The following UST variants were observed in gnomAD, a reference collection of about 807,000 sequenced individuals.
UST encodes the protein uronyl 2-sulfotransferase.
UST carries 21 observed loss-of-function variants against 45.6 expected under a neutral mutation model. That is an observed-to-expected ratio of 0.46 (90% confidence interval 0.33 to 0.66). UST has a LOEUF of 0.66. Ranked by LOEUF, UST falls within the 30% of genes least tolerant of loss-of-function variation. The pLI, the probability that UST is intolerant of heterozygous loss-of-function variation, is 0.02. For missense variants in UST, 463 were observed against 512.4 expected (o/e 0.90, Z 0.93); for synonymous variants, 215 against 200.6 (o/e 1.07, Z -0.61).
At chr6:149,049,960 C>CAG (rs1776458269) in intron 7 of UST, among the ~76,000 whole-genome samples, 1 of 150,284 alleles carries the variant, frequency 6.7e-6, no homozygotes, top group Admixed American at 6.6e-5. Flanking sequence ...CACACACACA[C>CAG]ACACACGTGG....
chr6:149,034,042 T>C (rs9373585), intron 7 of UST, among the ~76,000 whole-genome samples: 3,857 of 152,218 alleles, frequency 0.025, 115 homozygotes, highest in East Asian at 0.076. Flanking sequence ...ATTCTCTTAT[T>C]CCATTACCTT....
At chr6:149,065,764 T>C (rs553594042) in intron 7 of UST, among the ~76,000 whole-genome samples, 1 of 152,358 alleles carries the variant, frequency 6.6e-6, no homozygotes, top group East Asian at 1.9e-4. Flanking sequence ...TCAATATTGG[T>C]TGAATCTGAG....
intron 7 of UST, among the ~76,000 whole-genome samples, chr6:149,047,077 A>C (rs1223302235): frequency 6.6e-6 from 1 of 152,230 alleles, no homozygotes; most frequent in Non-Finnish European, 1.5e-5. Context: ...GCAAATGTCG[A>C]GGTCACATGA....
At chr6:148,792,419 C>T (rs897970946) in intron 1 of UST, among the ~76,000 whole-genome samples, 2 of 152,138 alleles carry the variant, frequency 1.3e-5, no homozygotes, top group African/African-American at 2.4e-5. Context: ...ACCCCAAAGT[C>T]GCCTGGGCCT....
intron 1 of UST, among the ~76,000 whole-genome samples, chr6:148,783,854 C>T (rs1005848411): frequency 3.3e-5 from 5 of 152,088 alleles, no homozygotes; most frequent in Non-Finnish European, 5.9e-5. Flanking sequence ...GGGTTGGGGA[C>T]AGAAAAATGT....
chr6:148,977,091 A>G (rs1053276408), intron 5 of UST, among the ~76,000 whole-genome samples: 2 of 151,988 alleles, frequency 1.3e-5, no homozygotes, highest in Admixed American at 6.5e-5. Context: ...CTAACAAACT[A>G]TCCCATTTAT....
chr6:148,808,242 C>T (rs553146986), intron 1 of UST, among the ~76,000 whole-genome samples: 2 of 152,302 alleles, frequency 1.3e-5, no homozygotes, highest in South Asian at 2.1e-4. Context: ...TGGGGACATT[C>T]GCTTTTCTTA....
chr6:148,870,580 C>T (rs758310086), intron 1 of UST, among the ~76,000 whole-genome samples: 15 of 152,212 alleles, frequency 9.9e-5, no homozygotes, highest in African/African-American at 2.7e-4. Flanking sequence ...TGGCCAGGTG[C>T]GCCTGCCCTT....
chr6:149,006,964 A>G (rs982842213), intron 5 of UST, among the ~76,000 whole-genome samples: 6 of 152,164 alleles, frequency 3.9e-5, no homozygotes, highest in Non-Finnish European at 5.9e-5. Flanking sequence ...GTTTTTCTGA[A>G]TGATTTTAGG....
chr6:148,980,824 A>G (rs1365462917), intron 5 of UST, among the ~76,000 whole-genome samples: 1 of 151,956 alleles, frequency 6.6e-6, no homozygotes, highest in Non-Finnish European at 1.5e-5. Context: ...GGTTCAAACC[A>G]TCCTCCTCCC....
chr6:148,827,768 A>G (rs1175877328), intron 1 of UST, among the ~76,000 whole-genome samples: 1 of 151,488 alleles, frequency 6.6e-6, no homozygotes, highest in African/African-American at 2.4e-5. Flanking sequence ...ACTAATTGTG[A>G]ATTAGATTGT....
At chr6:148,955,096 C>T (rs144772010) in intron 4 of UST, among the ~76,000 whole-genome samples, 79 of 152,338 alleles carry the variant, frequency 5.2e-4, no homozygotes, top group Admixed American at 1.1e-3. Context: ...AGCCCTCTGA[C>T]GGGCACTTCT....
At position 149,017,799 on chromosome 6, in the gene UST, T is replaced by TATATATATATAC. The variant is rs956279478; in HGVS notation, c.682-1339_682-1338insTATATATATACA. Among the ~76,000 whole-genome samples, 10 of 148,810 alleles carry TATATATATATAC rather than the reference T, an allele frequency of 6.7e-5. 1 individual carries two copies. The highest frequency in any genetic ancestry group is 2.5e-4 in the African/African-American group (10 of 40,400). On this transcript the variant is annotated intron_variant, in intron 5 of 7. Transcript: ENST00000367463. ...CATTGCAGCAATGAATATCCATATA[T>TATATATATATAC]ACACACACACACACACACACACACA...
intron 1 of UST, among the ~76,000 whole-genome samples, chr6:148,876,010 A>G (rs2114823050): frequency 6.6e-6 from 1 of 152,330 alleles, no homozygotes; most frequent in East Asian, 1.9e-4. Context: ...TTGCATTGCT[A>G]TAAAGAAATA....
chr6:148,861,188 T>C lies in UST; in HGVS notation c.248-25798T>C, dbSNP rs193000164. Reference sequence around the variant, plus strand: ...TCAATTTCTGAATCTGTTATTGGTCTATTCAGGGATTCAGCTTCTTCCTGG... The same window carrying C: ...TCAATTTCTGAATCTGTTATTGGTCCATTCAGGGATTCAGCTTCTTCCTGG... On this transcript the variant is annotated intron_variant, in intron 1 of 7. Transcript: ENST00000367463. Among the ~76,000 whole-genome samples the C allele has an allele frequency of 2.6e-3, 395 of 152,376 alleles. 3 individuals carry two copies. Among genetic ancestry groups the C allele is most frequent in the African/African-American group, 9.0e-3 (375 of 41,598 alleles).
intron 5 of UST, among the ~76,000 whole-genome samples, chr6:148,975,818 G>A (rs1267269850): frequency 2.6e-5 from 4 of 152,194 alleles, no homozygotes; most frequent in African/African-American, 9.6e-5. Context: ...AGAAGGATGT[G>A]TATCTGAGCC....
chr6:148,959,389 G>A (rs1224334098), intron 4 of UST, among the ~76,000 whole-genome samples: 1 of 152,214 alleles, frequency 6.6e-6, no homozygotes, highest in Admixed American at 6.5e-5. Context: ...TCTGAAGAAA[G>A]CACCAAAGTA....
chr6:148,979,808 CA>C (rs1198667324), intron 5 of UST, among the ~76,000 whole-genome samples: 3 of 152,180 alleles, frequency 2.0e-5, no homozygotes, highest in Non-Finnish European at 4.4e-5. Context: ...GGAGTGAGGG[CA>C]TAAACCCCCT....
chr6:148,966,584 T>C (rs945576950), intron 5 of UST, among the ~76,000 whole-genome samples: 2 of 152,260 alleles, frequency 1.3e-5, no homozygotes, highest in African/African-American at 4.8e-5. Context: ...ATGCTCTAGC[T>C]TCTTCCGTTC....
Sources: allele counts gnomAD v4.1 joint callset (sites outside exome capture counted in the v4.1 genomes callset), GRCh38; gene constraint gnomAD v4.1.1; transcripts MANE v1.5; gene names NCBI Gene and HGNC (gene_info 2026-07-23, HGNC 2026-07-21).